The following CMC1 variants were observed in gnomAD, a reference collection of about 807,000 sequenced individuals.
CMC1 encodes C-X9-C motif containing 1, also known as COX assembly mitochondrial protein homolog.
Under a neutral mutation model 14.1 loss-of-function variants are expected in CMC1, and 14 were observed. That is an observed-to-expected ratio of 0.99 (90% CI 0.66 to 1.55). The LOEUF is 1.55. CMC1 is among the 40% of genes most tolerant of loss of function. The pLI is 0.00. For synonymous variants in CMC1, 50 were observed against 38.4 expected (o/e 1.30, Z -1.12); for missense variants, 127 against 123.8 (o/e 1.03, Z -0.12).
chr3:28,302,314 A>C (rs1164008656), intron 2 of CMC1, among the ~76,000 whole-genome samples: 2 of 152,186 alleles, frequency 1.3e-5, no homozygotes, highest in Non-Finnish European at 2.9e-5. Flanking sequence ...CTCCATGTTC[A>C]AAAGTTTGCC....
intron 1 of CMC1, among the ~76,000 whole-genome samples, chr3:28,248,766 C>T (rs915888019): frequency 2.0e-5 from 3 of 152,054 alleles, no homozygotes; most frequent in South Asian, 2.1e-4. Flanking sequence ...ACATTCTCCC[C>T]GACAATCCTC....
chr3:28,257,311 G>T (rs888153567), intron 1 of CMC1, among the ~76,000 whole-genome samples: 1 of 152,004 alleles, frequency 6.6e-6, no homozygotes, highest in Non-Finnish European at 1.5e-5. Flanking sequence ...GATTAACTTT[G>T]CATGTCCTTG....
chr3:28,292,307 C>T (rs1701512545), intron 2 of CMC1, among the ~76,000 whole-genome samples: 1 of 152,080 alleles, frequency 6.6e-6, no homozygotes, highest in African/African-American at 2.4e-5. Flanking sequence ...TAAGAGCTTA[C>T]AATATCTTGC....
intron 2 of CMC1, among the ~76,000 whole-genome samples, chr3:28,290,521 C>T (rs1358410578): frequency 6.6e-6 from 1 of 152,054 alleles, no homozygotes; most frequent in Non-Finnish European, 1.5e-5. Flanking sequence ...AATCATCCTA[C>T]CATAGGTGAC....
intron 1 of CMC1, among the ~76,000 whole-genome samples, chr3:28,243,910 G>A (rs994153564): frequency 3.3e-5 from 5 of 152,252 alleles, no homozygotes; most frequent in African/African-American, 1.2e-4. Context: ...ATGGTGAAGA[G>A]ATTAGTCAGT....
chr3:28,276,074 C>G (rs531619042), intron 2 of CMC1, among the ~76,000 whole-genome samples: 1 of 152,144 alleles, frequency 6.6e-6, no homozygotes, highest in Non-Finnish European at 1.5e-5. Context: ...TGGCAGCCAC[C>G]CCTCTCCCCG....
chr3:28,293,739 G>A (rs1385666489), intron 2 of CMC1, among the ~76,000 whole-genome samples: 2 of 152,040 alleles, frequency 1.3e-5, no homozygotes, highest in South Asian at 2.1e-4. Flanking sequence ...CCACCACCAT[G>A]CCTGGCGAAT....
chr3:28,255,722 TACACACAC>T (rs372487968), intron 1 of CMC1, among the ~76,000 whole-genome samples: 14 of 144,356 alleles, frequency 9.7e-5, no homozygotes, highest in Admixed American at 4.2e-4. Flanking sequence ...TACATGTACA[TACACACAC>T]ACACACACAC....
At chr3:28,276,411 T>A (rs1473431394) in intron 2 of CMC1, among the ~76,000 whole-genome samples, 4 of 152,202 alleles carry the variant, frequency 2.6e-5, no homozygotes, top group Non-Finnish European at 5.9e-5. Context: ...ATCTTGAAAT[T>A]TTAAAATATT....
At chr3:28,292,681 G>C (rs531018853) in intron 2 of CMC1, 1 of 152,098 alleles carries the variant, frequency 6.6e-6, no homozygotes, top group Non-Finnish European at 1.5e-5. Flanking sequence ...TAGGATGTTT[G>C]TATACATTAT....
At chr3:28,277,277 G>C (rs1207071293) in intron 2 of CMC1, among the ~76,000 whole-genome samples, 3 of 151,956 alleles carry the variant, frequency 2.0e-5, no homozygotes, top group Non-Finnish European at 4.4e-5. Flanking sequence ...ATTTGCGTTT[G>C]GTAATACTGT....
intron 1 of CMC1, among the ~76,000 whole-genome samples, chr3:28,256,211 A>G (rs1311966148): frequency 6.6e-6 from 1 of 151,884 alleles, no homozygotes. Flanking sequence ...GTATATATAT[A>G]TATATATGTA....
intron 2 of CMC1, among the ~76,000 whole-genome samples, chr3:28,285,583 T>C (rs1037209800): frequency 2.0e-5 from 3 of 151,870 alleles, no homozygotes; most frequent in Admixed American, 6.6e-5. Context: ...CAGGGTACTG[T>C]ATTCAGATGA....
At chr3:28,301,500 C>T (rs112470132) in intron 2 of CMC1, among the ~76,000 whole-genome samples, 1,844 of 152,216 alleles carry the variant, frequency 0.012, 37 homozygotes, top group African/African-American at 0.041. Flanking sequence ...GGATTACAGG[C>T]GTGAGCCACT....
At chr3:28,288,144 T>G (rs1701288004) in intron 2 of CMC1, among the ~76,000 whole-genome samples, 1 of 152,044 alleles carries the variant, frequency 6.6e-6, no homozygotes, top group Non-Finnish European at 1.5e-5. Flanking sequence ...CTTCAACGTG[T>G]TTTTAAAAAT....
At chr3:28,245,968 T>A (rs1231308605) in intron 1 of CMC1, among the ~76,000 whole-genome samples, 1 of 152,152 alleles carries the variant, frequency 6.6e-6, no homozygotes, top group Admixed American at 6.5e-5. Flanking sequence ...TTTTTAGTGA[T>A]GGGGTTTCAC....
rs201834207 is a variant in CMC1, at chr3:28,292,291, AG to A, written c.110-24041del. On this transcript the variant is annotated intron_variant, in intron 2 of 3. Coordinates refer to ENST00000466830, the MANE Select transcript of CMC1 (RefSeq NM_182523.2). ...TGTTTATCTTATAGAATATTGAGGAAGAGTTTAAGAGCTTACAATATCTTGC... is the reference window on the plus strand; with the variant it reads ...TGTTTATCTTATAGAATATTGAGGAAAGTTTAAGAGCTTACAATATCTTGC... 8.4e-3 allele frequency among the ~76,000 whole-genome samples: 1,286 copies of A among 152,260 alleles called. 29 individuals are homozygous for A. The highest frequency in any genetic ancestry group is 0.029 in the African/African-American group (1,224 of 41,566).
At chr3:28,249,702 C>A (rs1406571345) in intron 1 of CMC1, among the ~76,000 whole-genome samples, 1 of 152,196 alleles carries the variant, frequency 6.6e-6, no homozygotes, top group East Asian at 1.9e-4. Context: ...TTGAGAGCTT[C>A]TGGTACCAAA....
intron 1 of CMC1, among the ~76,000 whole-genome samples, chr3:28,259,768 A>G (rs1301454032): frequency 2.0e-5 from 3 of 152,196 alleles, no homozygotes; most frequent in Non-Finnish European, 4.4e-5. Flanking sequence ...CTGTAGTACA[A>G]TATCAAAACC....
Sources: allele counts gnomAD v4.1 joint callset (sites outside exome capture counted in the v4.1 genomes callset), GRCh38; gene constraint gnomAD v4.1.1; transcripts MANE v1.5; gene names NCBI Gene and HGNC (gene_info 2026-07-23, HGNC 2026-07-21).